Variants in NOPCHAP1 observed in about 807,000 individuals in gnomAD.
NOPCHAP1 encodes DNA damage-sensitive RNA 1.
A neutral mutation model predicts 14.0 loss-of-function variants in NOPCHAP1; 13 were observed. That is an observed-to-expected ratio of 0.93 (90% CI 0.60 to 1.47). NOPCHAP1 has a LOEUF of 1.47. NOPCHAP1 is among the 40% of genes most tolerant of loss of function. The pLI, the probability that NOPCHAP1 is intolerant of heterozygous loss-of-function variation, is 0.00. For synonymous variants in NOPCHAP1, 78 were observed against 78.4 expected (o/e 1.00, Z 0.03); for missense variants, 230 against 226.9 (o/e 1.01, Z -0.09).
chr12:105,015,173 A>G lies in NOPCHAP1; in HGVS notation c.*20477A>G, dbSNP rs1873919291. On this transcript the variant is annotated 3_prime_UTR_variant, in exon 4 of 4. Transcript: ENST00000552951. Reference sequence around the variant, plus strand: ...GTGTAAAGAAATGAGCAGATCTGAAACAAGATTTTTTCAGCTGGAAAGAGT... The same window carrying G: ...GTGTAAAGAAATGAGCAGATCTGAAGCAAGATTTTTTCAGCTGGAAAGAGT... 1 of 152,206 alleles carries G rather than the reference A, an allele frequency of 6.6e-6. No homozygotes were observed. 9.4% of individuals were successfully genotyped at this position (152,206 alleles called of 1,614,324 possible).
In NOPCHAP1 at chr12:105,004,300, G is replaced by C. The variant is rs1258676301; in HGVS notation, c.*9604G>C. On this transcript the variant is annotated 3_prime_UTR_variant, in exon 4 of 4. Transcript: ENST00000552951. ...AAAGTAAAAATAAAGGCCAGGTGCG[G>C]TGGCTCACACCTGTAATCCCAGCAC... 6.6e-6 allele frequency: 1 copy of C among 152,194 alleles called. No individual in the cohort carries two copies. The highest frequency in any genetic ancestry group is 1.5e-5 in the Non-Finnish European group (1 of 68,048). The allele number at this position is 152,194 out of a possible 1,614,324, so 9.4% of individuals were successfully genotyped here.
rs140661081 is a variant in NOPCHAP1, at chr12:105,003,115, C to T, written c.*8419C>T. 2 of 152,292 alleles carry T rather than the reference C, an allele frequency of 1.3e-5. No individual in the cohort carries two copies. Among genetic ancestry groups the T allele is most frequent in the East Asian group, 3.9e-4 (2 of 5,186 alleles). 9.4% of individuals were successfully genotyped at this position (152,292 alleles called of 1,614,324 possible). A position where few individuals can be genotyped will look rare whatever the true frequency, so the allele number is the denominator to read the frequency against. ...CCTTCTGTAAGGAATCTTTTACTAC[C>T]TGTATGTACCAATTTAAAGAATGCA... On this transcript the variant is annotated 3_prime_UTR_variant, in exon 4 of 4. Transcript: ENST00000552951.
chr12:105,000,582 A>C lies in NOPCHAP1; in HGVS notation c.*5886A>C, dbSNP rs552981543. 1 of 152,278 alleles carries C rather than the reference A, an allele frequency of 6.6e-6. No homozygotes were observed. Among genetic ancestry groups the C allele is most frequent in the Admixed American group, 6.5e-5 (1 of 15,304 alleles). The allele number at this position is 152,278 out of a possible 1,614,324, so 9.4% of individuals were successfully genotyped here. Reference sequence around the variant, plus strand: ...ATGATGACAGAGAAGAGAACTCTTGATCCATGATCAAATTCTTACCACCCA... The same window carrying C: ...ATGATGACAGAGAAGAGAACTCTTGCTCCATGATCAAATTCTTACCACCCA... On this transcript the variant is annotated 3_prime_UTR_variant, in exon 4 of 4. Transcript: ENST00000552951.
chr12:105,015,699 G>T lies in NOPCHAP1; in HGVS notation c.*21003G>T, dbSNP rs1316860225. 1 of 152,194 alleles carries T rather than the reference G, an allele frequency of 6.6e-6. No homozygotes were observed. Among genetic ancestry groups the T allele is most frequent in the Non-Finnish European group, 1.5e-5 (1 of 68,046 alleles). The allele number at this position is 152,194 out of a possible 1,614,324, so 9.4% of individuals were successfully genotyped here. A position where few individuals can be genotyped will look rare whatever the true frequency, so the allele number is the denominator to read the frequency against. On this transcript the variant is annotated 3_prime_UTR_variant, in exon 4 of 4. Transcript: ENST00000552951. ...TAGCAGCCATCTGGATTCTCAGATT[G>T]AAAACAGTGTGTATAGGGTTCTGTT... is the stretch of plus-strand genomic sequence containing the variant.
rs556841758 is a variant in NOPCHAP1, at chr12:105,013,799, C to T, written c.*19103C>T. 33 of 152,504 alleles carry T rather than the reference C, an allele frequency of 2.2e-4. No homozygotes were observed. Among genetic ancestry groups the T allele is most frequent in the African/African-American group, 7.5e-4 (31 of 41,548 alleles). The allele number at this position is 152,504 out of a possible 1,614,324, so 9.4% of individuals were successfully genotyped here. A position where few individuals can be genotyped will look rare whatever the true frequency, so the allele number is the denominator to read the frequency against. On this transcript the variant is annotated 3_prime_UTR_variant, in exon 4 of 4. Coordinates refer to ENST00000552951, the MANE Select transcript of NOPCHAP1 (RefSeq NM_152318.3). The stretch of plus-strand genomic sequence containing the variant: ...GGAGTTCCCTAACGCTTTGTGCTTC[C>T]CAGGTGAGGCAACACCCCACCCTTC...
At chr12:104,993,495 C>G (rs552745515) in intron 3 of NOPCHAP1, among the ~76,000 whole-genome samples, 1 of 152,088 alleles carries the variant, frequency 6.6e-6, no homozygotes, top group African/African-American at 2.4e-5. Flanking sequence ...CATGCTCTTC[C>G]CCCAGCTGTG....
At position 105,008,488 on chromosome 12, in the gene NOPCHAP1, T is replaced by TTAG. The variant is rs1873750216; in HGVS notation, c.*13793_*13795dup. 6.6e-6 allele frequency: 1 copy of TTAG among 152,280 alleles called. No individual in the cohort carries two copies. The highest frequency in any genetic ancestry group is 1.5e-5 in the Non-Finnish European group (1 of 68,054). 9.4% of individuals were successfully genotyped at this position (152,280 alleles called of 1,614,324 possible). ...GCTGTGCAGAAGCTCTTTAGTTTAA[T>TTAG]TAGATCCCATTTGTCTATTTTAGCT... On this transcript the variant is annotated 3_prime_UTR_variant, in exon 4 of 4. Coordinates refer to ENST00000552951, the MANE Select transcript of NOPCHAP1 (RefSeq NM_152318.3).
chr12:104,993,691 AT>A (rs1015755449), intron 3 of NOPCHAP1, among the ~76,000 whole-genome samples: 2 of 152,064 alleles, frequency 1.3e-5, no homozygotes, highest in African/African-American at 2.4e-5. Context: ...CAGTATTTTA[AT>A]TTTTTTCCCC....
intron 3 of NOPCHAP1, among the ~76,000 whole-genome samples, chr12:104,993,646 G>T (rs530693826): frequency 6.6e-5 from 10 of 152,300 alleles, no homozygotes; most frequent in Non-Finnish European, 1.2e-4. Context: ...GTGCTGAAAT[G>T]AGAATTTCAT....
chr12:105,011,042 T>C lies in NOPCHAP1; in HGVS notation c.*16346T>C, dbSNP rs893369592. 1 of 152,246 alleles carries C rather than the reference T, an allele frequency of 6.6e-6. No homozygotes were observed. Among genetic ancestry groups the C allele is most frequent in the Non-Finnish European group, 1.5e-5 (1 of 68,038 alleles). The allele number at this position is 152,246 out of a possible 1,614,324, so 9.4% of individuals were successfully genotyped here. On this transcript the variant is annotated 3_prime_UTR_variant, in exon 4 of 4. Transcript: ENST00000552951. ...GTCCTGAATAGCCTTGTTAATTTTC[T>C]GTCTTGTTGATCTATCTAATACTGA...
chr12:105,012,703 C>G lies in NOPCHAP1; in HGVS notation c.*18007C>G, dbSNP rs939034631. ...GACGTCCTTTTTGTTGATGTAGATGCTATTCCTTTCTGTTAGTTTTCCTTC... is the reference window on the plus strand; with the variant it reads ...GACGTCCTTTTTGTTGATGTAGATGGTATTCCTTTCTGTTAGTTTTCCTTC... On this transcript the variant is annotated 3_prime_UTR_variant, in exon 4 of 4. Coordinates refer to ENST00000552951, the MANE Select transcript of NOPCHAP1 (RefSeq NM_152318.3). 6.6e-6 allele frequency: 1 copy of G among 152,430 alleles called. No individual in the cohort carries two copies. The highest frequency in any genetic ancestry group is 1.5e-5 in the Non-Finnish European group (1 of 68,266). 9.4% of individuals were successfully genotyped at this position (152,430 alleles called of 1,614,324 possible).
intron 1 of NOPCHAP1, 25 bp from the exon 2 acceptor site, chr12:104,988,142 G>T (rs1336110277): frequency 1.3e-6 from 2 of 1,542,934 alleles, no homozygotes; most frequent in Admixed American, 1.7e-5. Context: ...GTAAATTAAG[G>T]GTGTTTGTGT....
Position 105,010,739 on chromosome 12 carries a change from T to G in NOPCHAP1, c.*16043T>G, listed in dbSNP as rs1323336932. The G allele has an allele frequency of 1.3e-5, 2 of 152,206 alleles. No individual in the cohort carries two copies. The highest frequency in any genetic ancestry group is 2.9e-5 in the Non-Finnish European group (2 of 68,028). The allele number at this position is 152,206 out of a possible 1,614,324, so 9.4% of individuals were successfully genotyped here. ...TGCCTAAACTTCGTTATTTACCCAG[T>G]AGTCATTCAGGAGCAGGTTGTTCAG... On this transcript the variant is annotated 3_prime_UTR_variant, in exon 4 of 4. Coordinates refer to ENST00000552951, the MANE Select transcript of NOPCHAP1 (RefSeq NM_152318.3).
intron 1 of NOPCHAP1, among the ~76,000 whole-genome samples, 200 bp from the exon 2 acceptor site, chr12:104,987,967 A>G (rs6539174): frequency 0.6 from 90,822 of 152,020 alleles, 28,174 homozygotes; most frequent in East Asian, 0.81. Context: ...AATGAGACAG[A>G]TGTAAGAAAG....
intron 1 of NOPCHAP1, 45 bp downstream of exon 1, chr12:104,986,512 A>T (rs1458655300): frequency 6.7e-7 from 1 of 1,498,176 alleles, no homozygotes; most frequent in Non-Finnish European, 9.0e-7. Flanking sequence ...CGTGCGGCAG[A>T]GGAGGCGCGG....
At chr12:104,986,582 A>T in intron 1 of NOPCHAP1, 115 bp downstream of exon 1, 1 of 860,570 alleles carries the variant, frequency 1.2e-6, no homozygotes, top group Non-Finnish European at 1.7e-6. Flanking sequence ...CCTCGAGGGG[A>T]GCCCCGGGGA....
In NOPCHAP1 at chr12:105,010,565, G is replaced by A. The variant is rs7310905; in HGVS notation, c.*15869G>A. ...CTTCTCTGGTTCTTTTAATTGTGAT[G>A]TTAGAGTATCGATTTTAGATCTTTC... is the stretch of plus-strand genomic sequence containing the variant. On this transcript the variant is annotated 3_prime_UTR_variant, in exon 4 of 4. Coordinates refer to ENST00000552951, the MANE Select transcript of NOPCHAP1 (RefSeq NM_152318.3). The A allele has an allele frequency of 0.4, 61,116 of 151,982 alleles. 15,107 individuals carry two copies. The highest frequency in any genetic ancestry group is 0.57 in the South Asian group (2,731 of 4,810). The allele number at this position is 151,982 out of a possible 1,614,324, so 9.4% of individuals were successfully genotyped here.
rs1422300528 is a variant in NOPCHAP1 at position 105,004,106 on chromosome 12, GT to G, written c.*9415del. The G allele has an allele frequency of 1.3e-5, 2 of 152,144 alleles. No homozygotes were observed. The highest frequency in any genetic ancestry group is 4.8e-5 in the African/African-American group (2 of 41,424). The allele number at this position is 152,144 out of a possible 1,614,324, so 9.4% of individuals were successfully genotyped here. A position where few individuals can be genotyped will look rare whatever the true frequency, so the allele number is the denominator to read the frequency against. On this transcript the variant is annotated 3_prime_UTR_variant, in exon 4 of 4. Coordinates refer to ENST00000552951, the MANE Select transcript of NOPCHAP1 (RefSeq NM_152318.3). ...TTGTTTCTCAGAGAAACCAGAGCTAGTTTTTAAAGAGTTGGGATATATAGCA... is the reference window on the plus strand; with the variant it reads ...TTGTTTCTCAGAGAAACCAGAGCTAGTTTTAAAGAGTTGGGATATATAGCA...
intron 1 of NOPCHAP1, 35 bp downstream of exon 1, chr12:104,986,502 C>T (rs768115812): frequency 5.9e-6 from 9 of 1,533,848 alleles, no homozygotes; most frequent in South Asian, 3.5e-5. Context: ...GGGCCGCACA[C>T]GTGCGGCAGA....
Sources: allele counts gnomAD v4.1 joint callset (sites outside exome capture counted in the v4.1 genomes callset), GRCh38; gene constraint gnomAD v4.1.1; transcripts MANE v1.5; gene names NCBI Gene and HGNC (gene_info 2026-07-23, HGNC 2026-07-21).